The following DICER1 variants were observed in gnomAD, a reference collection of about 807,000 sequenced individuals.
DICER1 encodes the protein dicer 1, ribonuclease III, also known as endoribonuclease Dicer.
DICER1 carries 43 observed loss-of-function variants against 194.1 expected under a neutral mutation model. The ratio of observed to expected loss-of-function variants is 0.22; its 90% CI spans 0.17 to 0.29. DICER1 has a LOEUF of 0.29. Among genes scored for constraint, DICER1 ranks in the 10% least tolerant of loss-of-function variants. DICER1 has a pLI of 1.00. For synonymous variants in DICER1, 832 were observed against 820.5 expected (o/e 1.01, Z -0.24); for missense variants, 1,608 against 2,317.0 (o/e 0.69, Z 6.28).
intron 17 of DICER1, among the ~76,000 whole-genome samples, chr14:95,106,486 G>A (rs1301139342): frequency 6.6e-6 from 1 of 151,718 alleles, no homozygotes; most frequent in African/African-American, 2.4e-5. Flanking sequence ...AAGCTAAATG[G>A]CACCTTTACA....
intron 24 of DICER1, 41 bp from the exon 25 acceptor site, chr14:95,091,406 C>A (rs1349215483): frequency 6.4e-7 from 1 of 1,572,446 alleles, no homozygotes; most frequent in African/African-American, 1.4e-5. Context: ...AAAAAGGCCA[C>A]TTTTACAGGC....
chr14:95,117,522 A>C, intron 9 of DICER1, 100 bp downstream of exon 9: 1 of 1,244,092 alleles, frequency 8.0e-7, no homozygotes, highest in Non-Finnish European at 1.2e-6. Flanking sequence ...AAAAAATAAT[A>C]GTAATTCTGG....
rs150390018 is a variant in DICER1, at chr14:95,116,058, GAC to G, written c.1753-239_1753-238del. 0.041 allele frequency among the ~76,000 whole-genome samples: 5,867 copies of G among 142,068 alleles called. 271 individuals carry two copies. The highest frequency in any genetic ancestry group is 0.11 in the African/African-American group (4,487 of 39,496). 93.2% of individuals were successfully genotyped at this position (142,068 alleles called of 152,430 possible). ...GTCTATACTGTACCGTGCCTACACAGACACACACACACACACACACACACACA... is the reference window on the plus strand; with the variant it reads ...GTCTATACTGTACCGTGCCTACACAGACACACACACACACACACACACACA... On this transcript the variant is annotated intron_variant, in intron 10 of 26. Coordinates refer to ENST00000343455, the MANE Select transcript of DICER1 (RefSeq NM_177438.3).
At position 95,105,923 on chromosome 14, in the gene DICER1, T is replaced by A. The variant is rs2098252709; in HGVS notation, c.2987+118A>T. The A allele has an allele frequency of 2.1e-5, 30 of 1,405,344 alleles. No homozygotes were observed. Among genetic ancestry groups the A allele is most frequent in the Non-Finnish European group, 3.0e-5 (30 of 990,846 alleles). The allele number at this position is 1,405,344 out of a possible 1,614,324, so 87.1% of individuals were successfully genotyped here. A position where few individuals can be genotyped will look rare whatever the true frequency, so the allele number is the denominator to read the frequency against. On this transcript the variant is annotated intron_variant, in intron 18 of 26. Transcript: ENST00000343455. The surrounding 1 kb of genome is among the most constrained non-coding windows in gnomAD (Gnocchi z 4.9). ...CTTGGGCAAGTTTGTGTGCAAAGCA[T>A]CTCCTGATTTCAGATAGTCCACGGG...
chr14:95,122,020 A>C (rs1259189742), intron 8 of DICER1, among the ~76,000 whole-genome samples: 1 of 152,170 alleles, frequency 6.6e-6, no homozygotes, highest in African/African-American at 2.4e-5. Flanking sequence ...TCTGAATTTC[A>C]GGAAGTTTTT....
rs747461678 is a variant in DICER1 at position 95,096,480 on chromosome 14, T to C, written c.4440A>G (p.Glu1480=). The C allele has an allele frequency of 6.2e-7, 1 of 1,614,232 alleles. No individual in the cohort carries two copies. The highest frequency in any genetic ancestry group is 8.5e-7 in the Non-Finnish European group (1 of 1,180,018). ...AGGAGGATTTTTTGGGCATTTTCCA[T>C]TCATATGCAGAATCAGTGGTTGAAA... ...SPFSTTDSAY[E]WKMPKKSSLG... is the part of the protein sequence containing the mutation. Residue 1480 remains glutamate, a synonymous_variant, in exon 23 of 27, where the codon GAA becomes GAG. Transcript: ENST00000343455.
chr14:95,131,444 C>T (rs1363834508), intron 4 of DICER1, 65 bp downstream of exon 4: 1 of 1,493,454 alleles, frequency 6.7e-7, no homozygotes, highest in Non-Finnish European at 9.3e-7. Flanking sequence ...GGCTACAGAT[C>T]ATCTTACAAA....
chr14:95,113,454 G>A (rs139229955), intron 11 of DICER1, among the ~76,000 whole-genome samples: 1 of 152,240 alleles, frequency 6.6e-6, no homozygotes, highest in East Asian at 1.9e-4. Context: ...AGTGGCTGGT[G>A]AGCACTTGAA....
chr14:95,127,486 AC>A (rs139586149), intron 6 of DICER1, among the ~76,000 whole-genome samples: 5,059 of 152,302 alleles, frequency 0.033, 309 homozygotes, highest in African/African-American at 0.12. Context: ...TGAGGATGGG[AC>A]CCAAGTCTAA....
chr14:95,138,957 T>TA (rs1555377653), intron 1 of DICER1, among the ~76,000 whole-genome samples: 4 of 128,460 alleles, frequency 3.1e-5, no homozygotes, highest in African/African-American at 5.7e-5. Flanking sequence ...CCCTAAAACT[T>TA]AGAGTATAAT....
chr14:95,090,184 A>C lies in DICER1; in HGVS notation c.*314T>G, dbSNP rs995643319. 6.5e-4 allele frequency: 273 copies of C among 418,290 alleles called. 2 individuals carry two copies. Among genetic ancestry groups the C allele is most frequent in the African/African-American group, 5.2e-3 (255 of 49,034 alleles). The allele number at this position is 418,290 out of a possible 1,614,324, so 25.9% of individuals were successfully genotyped here. Reference sequence around the variant, plus strand: ...CTGACATAAACTCAAAAAAAAAAAAACAAAACCTGTCAATTATTTTGAGCA... The same window carrying C: ...CTGACATAAACTCAAAAAAAAAAAACCAAAACCTGTCAATTATTTTGAGCA... On this transcript the variant is annotated 3_prime_UTR_variant, in exon 27 of 27. Transcript: ENST00000343455.
intron 20 of DICER1, 129 bp from the exon 21 acceptor site, chr14:95,104,255 A>G (rs750610214): frequency 7.2e-5 from 56 of 772,754 alleles, no homozygotes; most frequent in Non-Finnish European, 1.1e-4. Flanking sequence ...GAATAGAAGC[A>G]AGTTTCCAAA....
intron 8 of DICER1, among the ~76,000 whole-genome samples, chr14:95,122,819 T>C (rs1893043382): frequency 6.6e-6 from 1 of 152,200 alleles, no homozygotes; most frequent in Non-Finnish European, 1.5e-5. Flanking sequence ...CTATGAAAAT[T>C]ACCAGACTAA....
intron 1 of DICER1, among the ~76,000 whole-genome samples, chr14:95,141,408 G>C (rs959799158): frequency 1.3e-5 from 2 of 152,170 alleles, no homozygotes; most frequent in African/African-American, 4.8e-5. Flanking sequence ...ATAAAATGTA[G>C]ATATAAAAAG....
chr14:95,101,608 T>C (rs1890883072), intron 21 of DICER1, among the ~76,000 whole-genome samples: 1 of 152,192 alleles, frequency 6.6e-6, no homozygotes, highest in African/African-American at 2.4e-5. Context: ...CATTTCTCCC[T>C]ACCTCCCTGC....
At chr14:95,119,324 A>C (rs1214628182) in intron 8 of DICER1, among the ~76,000 whole-genome samples, 1 of 152,234 alleles carries the variant, frequency 6.6e-6, no homozygotes, top group Non-Finnish European at 1.5e-5. Flanking sequence ...CACAGAGAAC[A>C]GAAGAGACAA....
intron 1 of DICER1, among the ~76,000 whole-genome samples, chr14:95,139,263 A>G (rs920751643): frequency 6.6e-6 from 1 of 152,220 alleles, no homozygotes; most frequent in African/African-American, 2.4e-5. Flanking sequence ...TATTTAGAAA[A>G]TTTCTCTTAA....
rs1893485850 is a variant in DICER1, at chr14:95,126,654, C to A, written c.829G>T (p.Ala277Ser). 6.3e-7 allele frequency: 1 copy of A among 1,582,368 alleles called. No individual in the cohort carries two copies. Among genetic ancestry groups the A allele is most frequent in the African/African-American group, 1.3e-5 (1 of 74,134 alleles). The change falls in exon 7 of 27, where the codon GCA becomes TCA. Residue 277 changes from alanine to serine, a missense_variant. This residue lies in a region of DICER1 where 657 missense variants were observed against 910.1 expected (regional missense o/e 0.72). Coordinates refer to ENST00000343455, the MANE Select transcript of DICER1 (RefSeq NM_177438.3). Reference sequence around the variant, plus strand: ...TTACAATCATTGATAAAATTAAGTGCTTCTTCTAATTCCATCAGCAGTCTT... The same window carrying A: ...TTACAATCATTGATAAAATTAAGTGATTCTTCTAATTCCATCAGCAGTCTT... ...YERLLMELEEALNFINDCNIS... is the reference protein window; with the variant it reads ...YERLLMELEESLNFINDCNIS...
intron 1 of DICER1, among the ~76,000 whole-genome samples, chr14:95,154,986 A>C (rs1895749923): frequency 6.6e-6 from 1 of 152,226 alleles, no homozygotes; most frequent in African/African-American, 2.4e-5. Context: ...ACTACACGTG[A>C]TGCAGCCCTG....
Sources: allele counts gnomAD v4.1 joint callset (sites outside exome capture counted in the v4.1 genomes callset), GRCh38; gene constraint gnomAD v4.1.1; regional missense constraint gnomAD v4.1.1; non-coding constraint Gnocchi (gnomAD v3.1); transcripts MANE v1.5; gene names NCBI Gene and HGNC (gene_info 2026-07-23, HGNC 2026-07-21).